PHETA1: variants seen among roughly 807,000 people sequenced by gnomAD.
PHETA1 encodes the protein sesquipedalian-1.
For synonymous variants in PHETA1, 155 were observed against 168.9 expected, an observed-to-expected ratio of 0.92 and a Z score of 0.64; for missense variants, 348 against 373.5, an observed-to-expected ratio of 0.93 and a Z score of 0.56.
rs150792393 is a variant in PHETA1, at chr12:111,363,257, G to A, written c.171C>T (p.Pro57=). The A allele has an allele frequency of 2.5e-4, 407 of 1,613,272 alleles. 1 individual carries two copies. The African/African-American group carries it at 2.7e-3, about 11-fold the overall frequency. The change falls in exon 3 of 3, where the codon CCC becomes CCT. Residue 57 remains proline, a synonymous_variant. Coordinates refer to ENST00000683047, the MANE Select transcript of PHETA1 (RefSeq NM_144671.6). This position sits in a 1 kb window ranked among gnomAD's most constrained non-coding sequence, Gnocchi z 7.4. ...AGCCCTCCAGGATGATGACGCCCAC[G>A]GGCTCACGGCTGGCAGCGTCCTCGA... ...FYFEDAASRE[P]VGVIILEGCT... is the part of the protein sequence containing the mutation.
intron 2 of PHETA1, among the ~76,000 whole-genome samples, chr12:111,365,258 T>C (rs1868960865): frequency 3.3e-5 from 5 of 152,158 alleles, no homozygotes; most frequent in Admixed American, 3.3e-4. Flanking sequence ...GCAAAGGATA[T>C]AAAGTCCTGG....
In PHETA1 at chr12:111,363,183, C is replaced by A; in HGVS notation, c.245G>T (p.Arg82Leu). The A allele has an allele frequency of 6.2e-7, 1 of 1,612,738 alleles. No homozygotes were observed. The highest frequency in any genetic ancestry group is 8.5e-7 in the Non-Finnish European group (1 of 1,179,878). The change falls in exon 3 of 3, where the codon CGC becomes CTC. Residue 82 changes from arginine (R) to leucine (L), a missense_variant. By Grantham distance (102) the Arg-to-Leu change is moderately radical. Transcript: ENST00000683047. This position sits in a 1 kb window ranked among gnomAD's most constrained non-coding sequence, Gnocchi z 7.4. ...GGTGCGCGCCCGGGTCCCCGCAAAG[C>A]GCACAGCGAAGGCGAACTCCTCGGC... ...EAAEEFAFAV[R>L]FAGTRARTYV...
At position 111,362,717 on chromosome 12, in the gene PHETA1, G is replaced by A; in HGVS notation, c.711C>T (p.Ala237=). The A allele has an allele frequency of 6.5e-7, 1 of 1,547,700 alleles. No homozygotes were observed. ...LHECYGQEIR[A]LRGQWLSSRV... is the part of the protein sequence containing the mutation. ...GGCTGCTGAGCCACTGGCCACGCAG[G>A]GCCCGGATCTCCTGGCCATAGCACT... Residue 237 remains alanine, a synonymous_variant, in exon 3 of 3, where the codon GCC becomes GCT. Coordinates refer to ENST00000683047, the MANE Select transcript of PHETA1 (RefSeq NM_144671.6).
chr12:111,363,387 C>G lies in PHETA1; in HGVS notation c.41G>C (p.Cys14Ser), dbSNP rs746874358. The change falls in exon 3 of 3, where the codon TGT becomes TCT. Residue 14 changes from cysteine (C) to serine (S), a missense_variant. Physicochemically the swap from Cys to Ser is moderately radical, Grantham distance 112. Transcript: ENST00000683047. The surrounding 1 kb of genome is among the most constrained non-coding windows in gnomAD (Gnocchi z 7.4). Reference sequence around the variant, plus strand: ...GCCTGCATTGTCCACCGGGGCGTCACAGGTGGCGTAGAAGGCCAGGCTGCG... The same window carrying G: ...GCCTGCATTGTCCACCGGGGCGTCAGAGGTGGCGTAGAAGGCCAGGCTGCG... ...NERSLAFYAT[C>S]DAPVDNAGFL... The G allele has an allele frequency of 6.2e-7, 1 of 1,612,810 alleles. No individual in the cohort carries two copies. Among genetic ancestry groups the G allele is most frequent in the Non-Finnish European group, 8.5e-7 (1 of 1,179,768 alleles).
rs955634317 is a variant in PHETA1 at position 111,362,641 on chromosome 12, G to A, written c.*37C>T. 9.7e-6 allele frequency: 15 copies of A among 1,548,652 alleles called. No individual in the cohort carries two copies. The highest frequency in any genetic ancestry group is 1.3e-5 in the Non-Finnish European group (15 of 1,146,848). ...GACCCGGCCTGTCCCAGAGGGCATA[G>A]AGCTTGTGTCCCCCTAAAACAGGCG... On this transcript the variant is annotated 3_prime_UTR_variant, in exon 3 of 3. Coordinates refer to ENST00000683047, the MANE Select transcript of PHETA1 (RefSeq NM_144671.6).
chr12:111,366,732 C>T (rs538955157), intron 1 of PHETA1, among the ~76,000 whole-genome samples: 1 of 152,214 alleles, frequency 6.6e-6, no homozygotes, highest in East Asian at 1.9e-4. Context: ...TCACACTCCT[C>T]CTCTGCTCTA....
At position 111,361,967 on chromosome 12, in the gene PHETA1, G is replaced by C. The variant is rs1470797397; in HGVS notation, c.*711C>G. 2.2e-6 allele frequency: 1 copy of C among 456,090 alleles called. No individual in the cohort carries two copies. The highest frequency in any genetic ancestry group is 7.0e-5 in the East Asian group (1 of 14,374). 28.3% of individuals were successfully genotyped at this position (456,090 alleles called of 1,614,324 possible). On this transcript the variant is annotated 3_prime_UTR_variant, in exon 3 of 3. Coordinates refer to ENST00000683047, the MANE Select transcript of PHETA1 (RefSeq NM_144671.6). ...GACACAGACAGGGCCCGCGGCCAGA[G>C]AGCCACTGCCACCAGGAGCACCACC...
At chr12:111,365,478 A>G in intron 2 of PHETA1, 1 of 456,098 alleles carries the variant, frequency 2.2e-6, no homozygotes, top group Admixed American at 2.4e-5. Context: ...AAGACGGAAC[A>G]TGAGTTGTGA....
rs192927879 is a variant in PHETA1, at chr12:111,364,207, C to A, written c.-36-744G>T. Among the ~76,000 whole-genome samples the A allele has an allele frequency of 1.5e-4, 23 of 151,992 alleles. No individual in the cohort carries two copies. The South Asian group carries it at 4.2e-3, about 27-fold the overall frequency. ...CTAAAAATACAAAAAATAAGCCAGGCGTGGTGGCGGGCGCCTGTAATCCCA... is the reference window on the plus strand; with the variant it reads ...CTAAAAATACAAAAAATAAGCCAGGAGTGGTGGCGGGCGCCTGTAATCCCA... On this transcript the variant is annotated intron_variant, in intron 2 of 2. Coordinates refer to ENST00000683047, the MANE Select transcript of PHETA1 (RefSeq NM_144671.6).
At chr12:111,365,133 C>T (rs61944370) in intron 2 of PHETA1, among the ~76,000 whole-genome samples, 26 of 152,198 alleles carry the variant, frequency 1.7e-4, no homozygotes, top group Non-Finnish European at 2.8e-4. Context: ...GTGGCATCTG[C>T]GTCCCTGGCC....
chr12:111,365,994 CCT>C (rs1430733038), intron 2 of PHETA1, 117 bp downstream of exon 2: 3 of 172,208 alleles, frequency 1.7e-5, no homozygotes, highest in Admixed American at 5.8e-5. Context: ...TACAGCTGTC[CCT>C]CTCTAAGCCG....
chr12:111,364,934 A>G (rs1188309891), intron 2 of PHETA1, among the ~76,000 whole-genome samples: 1 of 152,190 alleles, frequency 6.6e-6, no homozygotes, highest in African/African-American at 2.4e-5. Flanking sequence ...CTCAAAAAAA[A>G]AGAAAGAATT....
rs750033974 is a variant in PHETA1, at chr12:111,367,067, C to G, written c.-181-810G>C. Among the ~76,000 whole-genome samples the G allele has an allele frequency of 6.6e-6, 1 of 152,002 alleles. No individual in the cohort carries two copies. Among genetic ancestry groups the G allele is most frequent in the Non-Finnish European group, 1.5e-5 (1 of 67,998 alleles). ...CAAGCCTCCCTTGGCTTCCAAGTTC[C>G]CTTTCCCTACCTCTTTCCCCCTTGT... On this transcript the variant is annotated intron_variant, in intron 1 of 2. Coordinates refer to ENST00000683047, the MANE Select transcript of PHETA1 (RefSeq NM_144671.6). This position sits in a 1 kb window ranked among gnomAD's most constrained non-coding sequence, Gnocchi z 4.0.
In PHETA1 at chr12:111,361,894, G is replaced by C. The variant is rs938007410; in HGVS notation, c.*784C>G. 2.2e-6 allele frequency: 1 copy of C among 456,010 alleles called. No individual in the cohort carries two copies. The highest frequency in any genetic ancestry group is 2.3e-5 in the Admixed American group (1 of 42,554). The allele number at this position is 456,010 out of a possible 1,614,324, so 28.2% of individuals were successfully genotyped here. ...CCCAGGCCTAGGGGCCAAGACTGAA[G>C]GATGCAGTCAAGGAGTGTCTGGAGA... On this transcript the variant is annotated 3_prime_UTR_variant, in exon 3 of 3. Transcript: ENST00000683047.
Position 111,362,649 on chromosome 12 carries a change from G to GT in PHETA1, c.*28dup. The GT allele has an allele frequency of 6.5e-7, 1 of 1,549,104 alleles. No individual in the cohort carries two copies. Among genetic ancestry groups the GT allele is most frequent in the Non-Finnish European group, 8.7e-7 (1 of 1,146,850 alleles). The stretch of plus-strand genomic sequence containing the variant: ...CTGTCCCAGAGGGCATAGAGCTTGT[G>GT]TCCCCCTAAAACAGGCGCCCTGGTG... On this transcript the variant is annotated 3_prime_UTR_variant, in exon 3 of 3. Transcript: ENST00000683047.
chr12:111,362,901 C>G lies in PHETA1; in HGVS notation c.527G>C (p.Arg176Pro). ...CTTGGGCGGGAGGGCACTGGGCCGG[C>G]GGGGCAGGGGCAGGGCTGGGACCGG... ...PAPVPALPLP[R>P]RPSALPPKEN... is the part of the protein sequence containing the mutation. Residue 176 changes from arginine to proline, a missense_variant, in exon 3 of 3, where the codon CGC becomes CCC. Arg to Pro is a moderately radical substitution (Grantham distance 103). Coordinates refer to ENST00000683047, the MANE Select transcript of PHETA1 (RefSeq NM_144671.6). 7.8e-7 allele frequency: 1 copy of G among 1,289,070 alleles called. No individual in the cohort carries two copies. The highest frequency in any genetic ancestry group is 1.0e-6 in the Non-Finnish European group (1 of 998,870). 79.9% of individuals were successfully genotyped at this position (1,289,070 alleles called of 1,614,324 possible).
chr12:111,363,217 C>A lies in PHETA1; in HGVS notation c.211G>T (p.Val71Leu), dbSNP rs1281872386. The change falls in exon 3 of 3, where the codon GTG becomes TTG. Residue 71 changes from valine (V) to leucine (L), a missense_variant. By Grantham distance (32) the Val-to-Leu change is conservative. Transcript: ENST00000683047. This position sits in a 1 kb window ranked among gnomAD's most constrained non-coding sequence, Gnocchi z 7.4. ...AAGGCGAACTCCTCGGCGGCCTCCA[C>A]CAGCTCCACAGTGCAGCCCTCCAGG... ...IILEGCTVELVEAAEEFAFAV... is the reference protein window; with the variant it reads ...IILEGCTVELLEAAEEFAFAV... The A allele has an allele frequency of 6.2e-7, 1 of 1,613,098 alleles. No homozygotes were observed. The highest frequency in any genetic ancestry group is 1.3e-5 in the African/African-American group (1 of 74,942).
chr12:111,367,661 G>C lies in PHETA1; in HGVS notation c.-182+1251C>G, dbSNP rs567143613. Among the ~76,000 whole-genome samples, 1 of 152,202 alleles carries C rather than the reference G, an allele frequency of 6.6e-6. No homozygotes were observed. Among genetic ancestry groups the C allele is most frequent in the Non-Finnish European group, 1.5e-5 (1 of 68,040 alleles). ...CTCCTCCCCCGACTGCCTAGATAGA[G>C]GCCAAACTGGTTCAAGGTCACCAGC... On this transcript the variant is annotated intron_variant, in intron 1 of 2. Transcript: ENST00000683047. The surrounding 1 kb of genome is among the most constrained non-coding windows in gnomAD (Gnocchi z 4.0).
chr12:111,362,735 A>ATCTCC lies in PHETA1; in HGVS notation c.692_693insGGAGA (p.Tyr231Ter). On this transcript the variant is annotated stop_gained and frameshift_variant, in exon 3 of 3. Transcript: ENST00000683047. LOFTEE classifies it high-confidence loss of function. ...CACGCAGGGCCCGGATCTCCTGGCC[A>ATCTCC]TAGCACTCGTGCAGCCGGGCGAAGG... The ATCTCC allele has an allele frequency of 6.5e-7, 1 of 1,545,354 alleles. No homozygotes were observed. The highest frequency in any genetic ancestry group is 8.7e-7 in the Non-Finnish European group (1 of 1,145,994).
Sources: gnomAD v4.1 joint callset for allele counts (sites outside exome capture counted in the v4.1 genomes callset) on GRCh38, gnomAD v4.1.1 for gene constraint, Gnocchi (gnomAD v3.1) non-coding constraint, MANE v1.5 for transcripts, NCBI Gene and HGNC (gene_info 2026-07-23, HGNC 2026-07-21) for gene names.